The following CMTM8 variants were observed in gnomAD, a reference collection of about 807,000 sequenced individuals.
The protein encoded by CMTM8 is CKLF-like MARVEL transmembrane domain-containing protein 8.
A neutral mutation model predicts 18.6 loss-of-function variants in CMTM8; 12 were observed. That is an observed-to-expected ratio of 0.65 (90% CI 0.41 to 1.05). CMTM8 has a LOEUF of 1.05. CMTM8 is among the 50% of genes least tolerant of loss of function. CMTM8 has a pLI of 0.00. For synonymous variants in CMTM8, 87 were observed against 90.6 expected (o/e 0.96, Z 0.23); for missense variants, 217 against 227.2 (o/e 0.95, Z 0.29).
At chr3:32,262,932 A>G (rs1702276348) in intron 1 of CMTM8, among the ~76,000 whole-genome samples, 1 of 152,220 alleles carries the variant, frequency 6.6e-6, no homozygotes, top group South Asian at 2.1e-4. Flanking sequence ...TACTAGGGTT[A>G]GGATTAGGAT....
At chr3:32,312,265 A>G (rs1001460219) in intron 1 of CMTM8, among the ~76,000 whole-genome samples, 1 of 152,124 alleles carries the variant, frequency 6.6e-6, no homozygotes, top group African/African-American at 2.4e-5. Context: ...CCTAGGCTTG[A>G]TAATTTAAAG....
intron 1 of CMTM8, among the ~76,000 whole-genome samples, chr3:32,351,146 A>G (rs1445150572): frequency 2.0e-5 from 3 of 152,250 alleles, no homozygotes; most frequent in Non-Finnish European, 4.4e-5. Context: ...GCAGATGAAC[A>G]TGGGTGAATG....
rs1702492907 is a variant in CMTM8 at position 32,274,917 on chromosome 3, C to T, written c.147+35798C>T. ...GGTTATGTGTTGTTGGCAGAAATCC[C>T]ACTGAAGTGATGTTTGTCCTTCTTA... is the stretch of plus-strand genomic sequence containing the variant. On this transcript the variant is annotated intron_variant, in intron 1 of 3. Transcript: ENST00000307526. 2.0e-5 allele frequency among the ~76,000 whole-genome samples: 3 copies of T among 152,194 alleles called. No homozygotes were observed. In the South Asian group the frequency reaches 6.2e-4, roughly 32 times the overall value.
At chr3:32,329,965 CA>C (rs1320002920) in intron 1 of CMTM8, among the ~76,000 whole-genome samples, 1 of 151,702 alleles carries the variant, frequency 6.6e-6, no homozygotes, top group East Asian at 1.9e-4. Flanking sequence ...AATGAGCAAT[CA>C]AAAAAGGAAG....
rs79154222 is a variant in CMTM8, at chr3:32,314,372, GA to G, written c.148-43000del. The stretch of plus-strand genomic sequence containing the variant: ...AGTGGCTGCTCTGCAGAAATTGAGG[GA>G]GGGTTGATGCAAGTTCCTAGTTCAA... On this transcript the variant is annotated intron_variant, in intron 1 of 3. Coordinates refer to ENST00000307526, the MANE Select transcript of CMTM8 (RefSeq NM_178868.5). 2.6e-5 allele frequency among the ~76,000 whole-genome samples: 4 copies of G among 152,282 alleles called. No homozygotes were observed. The East Asian group carries it at 5.8e-4, about 22-fold the overall frequency.
chr3:32,316,155 G>A (rs1695926297), intron 1 of CMTM8, among the ~76,000 whole-genome samples: 1 of 150,414 alleles, frequency 6.6e-6, no homozygotes, highest in African/African-American at 2.4e-5. Flanking sequence ...AGCCTCCCGA[G>A]TAGCTGGGAC....
intron 1 of CMTM8, among the ~76,000 whole-genome samples, chr3:32,326,970 A>G (rs72855613): frequency 0.054 from 8,172 of 152,134 alleles, 745 homozygotes; most frequent in African/African-American, 0.19. Context: ...CTAGTTTTCT[A>G]TTTATCTCCC....
intron 1 of CMTM8, among the ~76,000 whole-genome samples, chr3:32,331,102 CT>C (rs1232314661): frequency 1.3e-5 from 2 of 152,146 alleles, no homozygotes; most frequent in African/African-American, 4.8e-5. Flanking sequence ...ATATAAAGAA[CT>C]CCTACAACTC....
intron 1 of CMTM8, among the ~76,000 whole-genome samples, chr3:32,323,903 A>G (rs1432488724): frequency 6.6e-6 from 1 of 152,200 alleles, no homozygotes. Flanking sequence ...GACTCGAAGG[A>G]TGTTAGCTGT....
At chr3:32,303,775 G>C (rs1695671429) in intron 1 of CMTM8, among the ~76,000 whole-genome samples, 2 of 152,138 alleles carry the variant, frequency 1.3e-5, no homozygotes, top group Non-Finnish European at 2.9e-5. Context: ...GAATGTGTGT[G>C]ATCTTATTTT....
At chr3:32,368,913 G>A (rs1485882213) in intron 3 of CMTM8, among the ~76,000 whole-genome samples, 2 of 152,166 alleles carry the variant, frequency 1.3e-5, no homozygotes, top group Non-Finnish European at 2.9e-5. Flanking sequence ...AAGGAGGGAG[G>A]CAGTTAGACA....
At chr3:32,283,447 G>A (rs75370859) in intron 1 of CMTM8, among the ~76,000 whole-genome samples, 152 of 152,268 alleles carry the variant, frequency 1.0e-3, no homozygotes, top group African/African-American at 3.6e-3. Flanking sequence ...AGCTCACATC[G>A]CAGGCGCATG....
Position 32,315,131 on chromosome 3 carries a change from T to C in CMTM8, c.148-42242T>C, listed in dbSNP as rs545023131. Among the ~76,000 whole-genome samples, 373 of 150,104 alleles carry C rather than the reference T, an allele frequency of 2.5e-3. 4 individuals carry two copies. The highest frequency in any genetic ancestry group is 4.8e-3 in the South Asian group (23 of 4,784). On this transcript the variant is annotated intron_variant, in intron 1 of 3. Transcript: ENST00000307526. ...CTGTTTTCTTCTTCTTCTTCTTCTT[T>C]TTTTTTTTTTCTTTTTGAGATGGAG...
intron 1 of CMTM8, chr3:32,260,027 A>C: frequency 1.8e-6 from 2 of 1,133,996 alleles, no homozygotes; most frequent in Non-Finnish European, 2.6e-6. Flanking sequence ...CCAGGAGTAC[A>C]AGGCCCTGCT....
At chr3:32,317,552 A>C (rs754192867) in intron 1 of CMTM8, among the ~76,000 whole-genome samples, 2 of 152,242 alleles carry the variant, frequency 1.3e-5, no homozygotes, top group Non-Finnish European at 2.9e-5. Context: ...AGCCATCACA[A>C]TAATGAATGC....
chr3:32,368,727 G>A (rs551400121), intron 3 of CMTM8, among the ~76,000 whole-genome samples: 1 of 152,190 alleles, frequency 6.6e-6, no homozygotes, highest in Non-Finnish European at 1.5e-5. Flanking sequence ...CTCCCAAAGT[G>A]CTGGAATTAC....
intron 1 of CMTM8, among the ~76,000 whole-genome samples, chr3:32,296,371 T>C (rs1702879282): frequency 6.6e-6 from 1 of 152,142 alleles, no homozygotes; most frequent in African/African-American, 2.4e-5. Flanking sequence ...TCCCATCTGG[T>C]GGTATGTATC....
At chr3:32,284,650 G>A (rs755273825) in intron 1 of CMTM8, among the ~76,000 whole-genome samples, 9 of 152,224 alleles carry the variant, frequency 5.9e-5, no homozygotes. Flanking sequence ...ACAGCTCACA[G>A]AGGGCATGAA....
chr3:32,271,278 C>T (rs993011119), intron 1 of CMTM8, among the ~76,000 whole-genome samples: 1 of 152,164 alleles, frequency 6.6e-6, no homozygotes, highest in African/African-American at 2.4e-5. Flanking sequence ...AGGCATGCGC[C>T]ACCACGCCCG....
Sources: allele counts gnomAD v4.1 joint callset (sites outside exome capture counted in the v4.1 genomes callset), GRCh38; gene constraint gnomAD v4.1.1; transcripts MANE v1.5; gene names NCBI Gene and HGNC (gene_info 2026-07-23, HGNC 2026-07-21).